The following MAN1A2 variants were observed in gnomAD, a reference collection of about 807,000 sequenced individuals.
The protein encoded by MAN1A2 is mannosyl-oligosaccharide 1,2-alpha-mannosidase IB.
Under a neutral mutation model 75.7 loss-of-function variants are expected in MAN1A2, and 26 were observed. The ratio of observed to expected loss-of-function variants is 0.34; its 90% CI spans 0.25 to 0.48. The LOEUF is 0.48. Ranked by LOEUF, MAN1A2 falls within the 20% of genes least tolerant of loss-of-function variation. The pLI is 0.99. For missense variants in MAN1A2, 562 were observed against 775.5 expected, an observed-to-expected ratio of 0.72 and a Z score of 3.27; for synonymous variants, 247 against 264.6, an observed-to-expected ratio of 0.93 and a Z score of 0.65.
intron 6 of MAN1A2, among the ~76,000 whole-genome samples, chr1:117,449,254 C>T (rs1557955334): frequency 6.6e-6 from 1 of 152,098 alleles, no homozygotes; most frequent in African/African-American, 2.4e-5. Flanking sequence ...ATGTCTCTCA[C>T]TTTAAATTAA....
intron 1 of MAN1A2, among the ~76,000 whole-genome samples, chr1:117,381,814 T>C (rs967118000): frequency 3.3e-5 from 5 of 152,180 alleles, no homozygotes; most frequent in Admixed American, 2.0e-4. Context: ...AGTGTAAAAG[T>C]ATTCCTATTT....
At chr1:117,390,197 C>T (rs1236645567) in intron 1 of MAN1A2, among the ~76,000 whole-genome samples, 2 of 152,006 alleles carry the variant, frequency 1.3e-5, no homozygotes, top group African/African-American at 4.8e-5. Flanking sequence ...AAAGAGTTTC[C>T]ATAGAACTGG....
At chr1:117,506,716 C>T (rs894893533) in intron 12 of MAN1A2, among the ~76,000 whole-genome samples, 1 of 151,546 alleles carries the variant, frequency 6.6e-6, no homozygotes, top group Non-Finnish European at 1.5e-5. Context: ...CAAGGGAATA[C>T]TTCCTGGAAG....
intron 7 of MAN1A2, among the ~76,000 whole-genome samples, chr1:117,463,534 C>A (rs146651492): frequency 2.4e-4 from 36 of 152,110 alleles, no homozygotes; most frequent in African/African-American, 8.7e-4. Context: ...CACACACACA[C>A]ACACGAGGAA....
chr1:117,406,674 T>A (rs965741128), intron 3 of MAN1A2, among the ~76,000 whole-genome samples: 1 of 152,182 alleles, frequency 6.6e-6, no homozygotes, highest in Non-Finnish European at 1.5e-5. Context: ...AATATGATAT[T>A]TAATTTATCA....
At chr1:117,428,975 T>G (rs1008909015) in intron 5 of MAN1A2, among the ~76,000 whole-genome samples, 2 of 143,834 alleles carry the variant, frequency 1.4e-5, no homozygotes, top group African/African-American at 2.6e-5. Context: ...GTGTCCCTGA[T>G]TACTTGAGAT....
chr1:117,394,208 A>G (rs1042946258), intron 1 of MAN1A2, among the ~76,000 whole-genome samples: 1 of 151,748 alleles, frequency 6.6e-6, no homozygotes, highest in African/African-American at 2.4e-5. Context: ...CAGCCTCCTG[A>G]GTAGCTGGGA....
chr1:117,395,207 A>G (rs972787109), intron 1 of MAN1A2, among the ~76,000 whole-genome samples: 1 of 152,232 alleles, frequency 6.6e-6, no homozygotes, highest in African/African-American at 2.4e-5. Context: ...AGGAAGAAAG[A>G]AAAGATTTTG....
At chr1:117,458,524 T>TCTATATATATATA (rs373076182) in intron 6 of MAN1A2, among the ~76,000 whole-genome samples, 1 of 71,706 alleles carries the variant, frequency 1.4e-5, no homozygotes, top group Non-Finnish European at 2.8e-5. Context: ...TATATATATA[T>TCTATATATATATA]TTTTTTTTTT....
intron 5 of MAN1A2, among the ~76,000 whole-genome samples, chr1:117,439,782 A>C (rs1648969468): frequency 6.6e-6 from 1 of 152,192 alleles, no homozygotes. Context: ...GGGGTGAGCC[A>C]CCACGCCCAG....
chr1:117,429,464 C>T (rs1435656676), intron 5 of MAN1A2, among the ~76,000 whole-genome samples: 13 of 114,306 alleles, frequency 1.1e-4, no homozygotes, highest in East Asian at 7.6e-4. Context: ...CCGGAGGGGG[C>T]GGCTGGCCGG....
chr1:117,449,112 T>C (rs1649326528), intron 6 of MAN1A2, among the ~76,000 whole-genome samples: 1 of 152,196 alleles, frequency 6.6e-6, no homozygotes, highest in African/African-American at 2.4e-5. Flanking sequence ...GTCTCTGTTC[T>C]GACGGCTCCA....
intron 5 of MAN1A2, among the ~76,000 whole-genome samples, chr1:117,441,362 A>G (rs1473013100): frequency 1.3e-5 from 2 of 152,134 alleles, no homozygotes; most frequent in African/African-American, 2.4e-5. Context: ...TAATATTTTT[A>G]TCAAAAGTAT....
chr1:117,373,385 T>A (rs538103875), intron 1 of MAN1A2, among the ~76,000 whole-genome samples: 15 of 152,296 alleles, frequency 9.8e-5, no homozygotes, highest in South Asian at 8.3e-4. Flanking sequence ...TCATGGTTAT[T>A]TTTCCCACTT....
intron 3 of MAN1A2, among the ~76,000 whole-genome samples, chr1:117,408,176 G>A (rs72689602): frequency 0.076 from 11,569 of 152,080 alleles, 495 homozygotes; most frequent in Middle Eastern, 0.15. Flanking sequence ...CTCCGCAGGA[G>A]GTTGAGATGG....
At chr1:117,406,879 A>G (rs74112575) in intron 3 of MAN1A2, among the ~76,000 whole-genome samples, 21,481 of 151,988 alleles carry the variant, frequency 0.14, 1,731 homozygotes, top group South Asian at 0.22. Context: ...AGCCTTTTAA[A>G]AAGATTGGAG....
At chr1:117,435,785 C>T (rs770607705) in intron 5 of MAN1A2, among the ~76,000 whole-genome samples, 19 of 152,118 alleles carry the variant, frequency 1.2e-4, no homozygotes, top group Non-Finnish European at 2.1e-4. Context: ...TGGCCTTGCG[C>T]GGTGGCTCAT....
intron 5 of MAN1A2, among the ~76,000 whole-genome samples, chr1:117,425,605 A>T (rs1315956632): frequency 2.0e-5 from 3 of 152,208 alleles, no homozygotes; most frequent in African/African-American, 7.2e-5. Flanking sequence ...AACATCATAT[A>T]ATCTTATTAC....
chr1:117,495,615 C>A (rs532353155), intron 9 of MAN1A2, among the ~76,000 whole-genome samples: 1 of 151,836 alleles, frequency 6.6e-6, no homozygotes, highest in Non-Finnish European at 1.5e-5. Flanking sequence ...TCTAGTAAGT[C>A]CAGGTGGATA....
Sources: gnomAD v4.1 joint callset for allele counts (sites outside exome capture counted in the v4.1 genomes callset) on GRCh38, gnomAD v4.1.1 for gene constraint, MANE v1.5 for transcripts, NCBI Gene and HGNC (gene_info 2026-07-23, HGNC 2026-07-21) for gene names.